TAB3: variants seen among roughly 807,000 people sequenced by gnomAD.
TAB3 encodes TGF-beta activated kinase 1 (MAP3K7) binding protein 3.
TAB3 carries 18 observed loss-of-function variants against 48.1 expected under a neutral mutation model. The ratio of observed to expected loss-of-function variants is 0.37; its 90% confidence interval spans 0.26 to 0.55. TAB3 has a LOEUF of 0.55. TAB3 is among the 20% of genes least tolerant of loss of function. The pLI is 0.78. For missense variants in TAB3, 414 were observed against 549.8 expected (o/e 0.75, Z 2.47); for synonymous variants, 185 against 190.2 (o/e 0.97, Z 0.22).
At chrX:30,866,887 A>AG (rs1165996187) in intron 4 of TAB3, among the ~76,000 whole-genome samples, 1 of 109,192 alleles carries the variant, frequency 9.2e-6, no homozygotes, top group East Asian at 2.9e-4. Context: ...AAAAAAAAAA[A>AG]AAAAGATTAC....
At position 30,830,087 on chromosome X, in the gene TAB3, C is replaced by G. The variant is rs1937981626; in HGVS notation, c.*1340G>C. On this transcript the variant is annotated 3_prime_UTR_variant, in exon 11 of 11. Coordinates refer to ENST00000288422, the MANE Select transcript of TAB3 (RefSeq NM_152787.5). ...TCCAGCGATGCACCCTAGTGAGTCA[C>G]ATGACTTTATATCTCTTATCCGCAC... 1 of 111,577 alleles carries G rather than the reference C, an allele frequency of 9.0e-6. No homozygotes were observed. The highest frequency in any genetic ancestry group is 2.8e-4 in the East Asian group (1 of 3,572). The allele number at this position is 111,577 out of a possible 1,213,427, so 9.2% of individuals were successfully genotyped here.
chrX:30,845,237 T>C (rs970997604), intron 8 of TAB3: 1 of 112,359 alleles, frequency 8.9e-6, no homozygotes, highest in South Asian at 3.6e-4. Flanking sequence ...GTGTGGGGGA[T>C]GGGGGGCAGG....
intron 9 of TAB3, among the ~76,000 whole-genome samples, chrX:30,838,669 C>T (rs1054611360): frequency 8.9e-6 from 1 of 112,313 alleles, no homozygotes; most frequent in African/African-American, 3.2e-5. Context: ...TGGTATATCA[C>T]TCCATTTACT....
chrX:30,838,207 A>G (rs1157818950), intron 9 of TAB3, among the ~76,000 whole-genome samples: 1 of 111,661 alleles, frequency 9.0e-6, no homozygotes, highest in East Asian at 2.8e-4. Flanking sequence ...CAGCAATCCT[A>G]CCGCCTCAGC....
At position 30,843,027 on chromosome X, in the gene TAB3, C is replaced by A. The variant is rs767014899; in HGVS notation, c.1827G>T (p.Met609Ile). The A allele has an allele frequency of 8.5e-7, 1 of 1,173,148 alleles. No homozygotes were observed. The highest frequency in any genetic ancestry group is 2.0e-5 in the South Asian group (1 of 50,848). The change falls in exon 9 of 11, where the codon ATG becomes ATT. Residue 609 changes from methionine (M) to isoleucine (I), a missense_variant. Transcript: ENST00000288422. ...QSRGNFDPKA[M>I]NNFYDNIEPG... Reference sequence around the variant, plus strand: ...GTTCTATGTTGTCATAAAAATTATTCATGGCTTTTGGATCAAAGTTTCCTA... The same window carrying A: ...GTTCTATGTTGTCATAAAAATTATTAATGGCTTTTGGATCAAAGTTTCCTA...
Position 30,832,351 on chromosome X carries a change from CT to C in TAB3, c.1991-777del, listed in dbSNP as rs759991516. On this transcript the variant is annotated intron_variant, in intron 10 of 10. Coordinates refer to ENST00000288422, the MANE Select transcript of TAB3 (RefSeq NM_152787.5). ...CTCTGGCTTTGTGCTCAAAAAAGCTCTTTGCATCTAGAGTTAACCTGTAATT... is the reference window on the plus strand; with the variant it reads ...CTCTGGCTTTGTGCTCAAAAAAGCTCTTGCATCTAGAGTTAACCTGTAATT... Among the ~76,000 whole-genome samples, 186 of 111,742 alleles carry C rather than the reference CT, an allele frequency of 1.7e-3. 4 individuals are homozygous for C. In the East Asian group the frequency reaches 0.045, roughly 27 times the overall value.
chrX:30,860,207 T>C (rs1218514719), intron 4 of TAB3, among the ~76,000 whole-genome samples: 1 of 112,281 alleles, frequency 8.9e-6, no homozygotes, highest in Non-Finnish European at 1.9e-5. Context: ...AAGTCCCTGC[T>C]TACAGTAAAA....
At chrX:30,858,547 A>G (rs1939146484) in intron 5 of TAB3, among the ~76,000 whole-genome samples, 1 of 112,014 alleles carries the variant, frequency 8.9e-6, no homozygotes, top group Admixed American at 9.5e-5. Context: ...ACACCTGTAT[A>G]TAGGTTTAGG....
chrX:30,848,212 G>C (rs1938697204), intron 7 of TAB3, among the ~76,000 whole-genome samples: 1 of 111,634 alleles, frequency 9.0e-6, no homozygotes, highest in Non-Finnish European at 1.9e-5. Context: ...CCACCACACA[G>C]TTGCTCGTAA....
chrX:30,854,567 T>G lies in TAB3; in HGVS notation c.1098A>C (p.Ile366=). ...TTTGAGAAGGTTCAACTGTAATTTC[T>G]ATCTTCTTCATGGAACCTTTGGATA... is the stretch of plus-strand genomic sequence containing the variant. ...SSLSKGSMKK[I]EITVEPSQRP... Residue 366 remains isoleucine, a synonymous_variant, in exon 6 of 11, where the codon ATA becomes ATC. Transcript: ENST00000288422. The G allele has an allele frequency of 2.5e-6, 3 of 1,211,542 alleles. No individual in the cohort carries two copies. The highest frequency in any genetic ancestry group is 3.4e-6 in the Non-Finnish European group (3 of 895,150).
At chrX:30,868,565 GCTTATATATATATATATATAT>G (rs1569222060) in intron 2 of TAB3, among the ~76,000 whole-genome samples, 4,301 of 11,757 alleles carry the variant, frequency 0.37, 1,172 homozygotes, top group Non-Finnish European at 0.38. Flanking sequence ...TATATATATA[GCTTATATATATATATATATAT>G]AGAGAGAGAG....
At chrX:30,850,358 TAAAAC>T (rs1938793306) in intron 7 of TAB3, among the ~76,000 whole-genome samples, 1 of 112,017 alleles carries the variant, frequency 8.9e-6, no homozygotes, top group African/African-American at 3.2e-5. Flanking sequence ...TAATAAAAGT[TAAAAC>T]TAAATTACAG....
intron 5 of TAB3, among the ~76,000 whole-genome samples, chrX:30,855,965 A>C (rs1451991577): frequency 8.9e-6 from 1 of 112,070 alleles, no homozygotes; most frequent in Non-Finnish European, 1.9e-5. Flanking sequence ...ATCCATTATT[A>C]ATATTTAAAT....
At chrX:30,852,064 C>A (rs936125695) in intron 7 of TAB3, among the ~76,000 whole-genome samples, 1 of 112,357 alleles carries the variant, frequency 8.9e-6, no homozygotes, top group African/African-American at 3.2e-5. Flanking sequence ...ATAAACTATA[C>A]GCACAAAACT....
chrX:30,831,405 C>A lies in TAB3; in HGVS notation c.*22G>T. 8.3e-7 allele frequency: 1 copy of A among 1,198,717 alleles called. No individual in the cohort carries two copies. The highest frequency in any genetic ancestry group is 1.1e-6 in the Non-Finnish European group (1 of 888,155). On this transcript the variant is annotated 3_prime_UTR_variant, in exon 11 of 11. Coordinates refer to ENST00000288422, the MANE Select transcript of TAB3 (RefSeq NM_152787.5). ...GTAGTGCTCAAAGTTTCACTTTCAA[C>A]CTGGCGCAGACTTTTCTGAATTCAG... is the stretch of plus-strand genomic sequence containing the variant.
intron 1 of TAB3, among the ~76,000 whole-genome samples, chrX:30,875,902 T>C (rs182890623): frequency 2.7e-5 from 3 of 112,242 alleles, no homozygotes; most frequent in African/African-American, 6.5e-5. Context: ...AATGACAGTC[T>C]TTGCCACTTC....
intron 8 of TAB3, chrX:30,846,272 T>G: frequency 3.3e-6 from 1 of 304,641 alleles, no homozygotes; most frequent in Non-Finnish European, 5.4e-6. Flanking sequence ...ACCCATCAAT[T>G]TATAAAATAT....
rs764679564 is a variant in TAB3 at position 30,828,734 on chromosome X, C to G, written c.*2693G>C. The G allele has an allele frequency of 8.9e-6, 1 of 111,910 alleles. No individual in the cohort carries two copies. Among genetic ancestry groups the G allele is most frequent in the South Asian group, 3.7e-4 (1 of 2,703 alleles). 9.2% of individuals were successfully genotyped at this position (111,910 alleles called of 1,213,427 possible). On this transcript the variant is annotated 3_prime_UTR_variant, in exon 11 of 11. Coordinates refer to ENST00000288422, the MANE Select transcript of TAB3 (RefSeq NM_152787.5). ...CTAGTCATTTTAAAGAAACCTCTTA[C>G]AAGAAACAAGAAGTGCACCAGCTGA...
At chrX:30,846,170 G>A (rs193175836) in intron 8 of TAB3, 793 of 621,917 alleles carry the variant, frequency 1.3e-3, no homozygotes, top group Non-Finnish European at 1.6e-3. Flanking sequence ...TTTTAAAACT[G>A]AGAAATCTGA....
Sources: allele counts gnomAD v4.1 joint callset (sites outside exome capture counted in the v4.1 genomes callset), GRCh38; gene constraint gnomAD v4.1.1; transcripts MANE v1.5; gene names NCBI Gene and HGNC (gene_info 2026-07-23, HGNC 2026-07-21).